The following NCAM2 variants were observed in gnomAD, a reference collection of about 807,000 sequenced individuals.
NCAM2 encodes the protein neural cell adhesion molecule 2.
In NCAM2, 30 loss-of-function variants were observed where a neutral mutation model predicts 98.1. The ratio of observed to expected loss-of-function variants is 0.31; its 90% CI spans 0.23 to 0.41. NCAM2 has a LOEUF of 0.41. Among genes scored for constraint, NCAM2 ranks in the 10% least tolerant of loss-of-function variants. The pLI, the probability that NCAM2 is intolerant of heterozygous loss-of-function variation, is 1.00. For synonymous variants in NCAM2, 368 were observed against 342.4 expected (o/e 1.07, Z -0.83); for missense variants, 867 against 1,005.8 (o/e 0.86, Z 1.87).
chr21:21,265,180 TATATA>T lies in NCAM2; in HGVS notation c.56-15392_56-15388del, dbSNP rs1321481992. On this transcript the variant is annotated intron_variant, in intron 1 of 17. Transcript: ENST00000400546. ...TATACTTATATATATTATATATGTA[TATATA>T]ATATATGTGTGTATGTATGTGTGTA... Among the ~76,000 whole-genome samples the T allele has an allele frequency of 4.6e-4, 57 of 123,654 alleles. No individual in the cohort carries two copies. The South Asian group carries it at 0.013, about 27-fold the overall frequency. The allele number at this position is 123,654 out of a possible 152,430, so 81.1% of individuals were successfully genotyped here. A position where few individuals can be genotyped will look rare whatever the true frequency, so the allele number is the denominator to read the frequency against.
intron 1 of NCAM2, among the ~76,000 whole-genome samples, chr21:21,125,451 CAT>C (rs1381517170): frequency 3.4e-5 from 2 of 58,250 alleles, no homozygotes; most frequent in African/African-American, 1.1e-4. Flanking sequence ...TAATGTATTA[CAT>C]ATATAGAGAC....
At chr21:21,252,926 G>A (rs2071527153) in intron 1 of NCAM2, among the ~76,000 whole-genome samples, 1 of 151,942 alleles carries the variant, frequency 6.6e-6, no homozygotes, top group South Asian at 2.1e-4. Context: ...GTGAACATCC[G>A]AAGCATTATC....
intron 1 of NCAM2, among the ~76,000 whole-genome samples, chr21:21,032,956 T>C (rs77983838): frequency 0.65 from 90,882 of 139,754 alleles, 27,876 homozygotes; most frequent in East Asian, 0.77. Flanking sequence ...TTTTTTTTTT[T>C]TTTTTGAGAC....
chr21:21,297,036 A>G (rs551068478), intron 5 of NCAM2, among the ~76,000 whole-genome samples: 1 of 151,880 alleles, frequency 6.6e-6, no homozygotes, highest in Admixed American at 6.6e-5. Flanking sequence ...GCTAAAAAAA[A>G]GTTAAAGACC....
intron 1 of NCAM2, among the ~76,000 whole-genome samples, chr21:21,204,067 A>G (rs2069343982): frequency 6.6e-6 from 1 of 152,136 alleles, no homozygotes; most frequent in African/African-American, 2.4e-5. Context: ...AGTATCAACA[A>G]GTGTCTTCTA....
At chr21:21,494,896 G>A (rs1455825787) in intron 15 of NCAM2, among the ~76,000 whole-genome samples, 2 of 38,166 alleles carry the variant, frequency 5.2e-5, no homozygotes, top group Admixed American at 4.4e-4. Context: ...GTATGAATTT[G>A]TTTTTAGCCA....
chr21:21,249,604 C>A (rs1447144056), intron 1 of NCAM2, among the ~76,000 whole-genome samples: 1 of 152,120 alleles, frequency 6.6e-6, no homozygotes, highest in Non-Finnish European at 1.5e-5. Flanking sequence ...AAGATAATGA[C>A]CTGCCTTACA....
intron 1 of NCAM2, among the ~76,000 whole-genome samples, chr21:21,261,147 A>G (rs2071883900): frequency 6.6e-6 from 1 of 152,198 alleles, no homozygotes; most frequent in Non-Finnish European, 1.5e-5. Flanking sequence ...TTCAACAAGA[A>G]GATTTAACTG....
chr21:21,191,969 C>T (rs192238672), intron 1 of NCAM2, among the ~76,000 whole-genome samples: 1 of 152,180 alleles, frequency 6.6e-6, no homozygotes, highest in East Asian at 1.9e-4. Flanking sequence ...TCCCTGTAAT[C>T]CCAGCACTTT....
rs1398542994 is a variant in NCAM2 at position 21,324,245 on chromosome 21, A to C, written c.620-138A>C. 1.7e-5 allele frequency: 10 copies of C among 592,494 alleles called. No homozygotes were observed. The Admixed American group carries it at 2.8e-4, about 17-fold the overall frequency. The allele number at this position is 592,494 out of a possible 1,614,324, so 36.7% of individuals were successfully genotyped here. A position where few individuals can be genotyped will look rare whatever the true frequency, so the allele number is the denominator to read the frequency against. ...TCAGTGATAAAGTTATTTTACTGTGAAACCAAATCAGTTTCATTAATATAA... is the reference window on the plus strand; with the variant it reads ...TCAGTGATAAAGTTATTTTACTGTGCAACCAAATCAGTTTCATTAATATAA... On this transcript the variant is annotated intron_variant, in intron 5 of 17. Coordinates refer to ENST00000400546, the MANE Select transcript of NCAM2 (RefSeq NM_004540.5).
intron 12 of NCAM2, among the ~76,000 whole-genome samples, chr21:21,449,571 A>G (rs192148411): frequency 6.0e-4 from 92 of 152,122 alleles, no homozygotes; most frequent in Non-Finnish European, 1.1e-3. Flanking sequence ...TAAATATAAT[A>G]ACTATAAAAT....
intron 1 of NCAM2, among the ~76,000 whole-genome samples, chr21:21,177,241 A>G (rs1412938070): frequency 6.6e-6 from 1 of 152,104 alleles, no homozygotes; most frequent in African/African-American, 2.4e-5. Flanking sequence ...TATATCCTAC[A>G]AATAAATCAG....
At chr21:21,064,604 G>A (rs2065394501) in intron 1 of NCAM2, among the ~76,000 whole-genome samples, 1 of 152,120 alleles carries the variant, frequency 6.6e-6, no homozygotes, top group African/African-American at 2.4e-5. Context: ...GCCCCTCAGG[G>A]TTCATCACTC....
intron 1 of NCAM2, among the ~76,000 whole-genome samples, chr21:21,056,680 A>G (rs548682109): frequency 7.2e-5 from 11 of 152,220 alleles, no homozygotes; most frequent in African/African-American, 2.6e-4. Flanking sequence ...TCTGAAAGAC[A>G]GGAAGAGTCG....
chr21:21,473,190 C>T (rs1307763006), intron 14 of NCAM2, among the ~76,000 whole-genome samples: 1 of 151,208 alleles, frequency 6.6e-6, no homozygotes, highest in Non-Finnish European at 1.5e-5. Context: ...CTGAAGGACT[C>T]ACTGGTCTCT....
chr21:21,261,523 T>C (rs534936448), intron 1 of NCAM2, among the ~76,000 whole-genome samples: 98 of 152,210 alleles, frequency 6.4e-4, no homozygotes, highest in Non-Finnish European at 1.2e-3. Flanking sequence ...GGAATAAAAT[T>C]TGAATGCAAT....
intron 5 of NCAM2, among the ~76,000 whole-genome samples, chr21:21,307,647 G>A (rs2073927124): frequency 6.6e-6 from 1 of 152,072 alleles, no homozygotes; most frequent in Admixed American, 6.6e-5. Flanking sequence ...GTTGGACTGA[G>A]GTCCTGTTGG....
chr21:21,149,165 C>T (rs1179692739), intron 1 of NCAM2, among the ~76,000 whole-genome samples: 1 of 151,996 alleles, frequency 6.6e-6, no homozygotes, highest in East Asian at 1.9e-4. Context: ...TGTCTTTGTT[C>T]TTTATTGGAA....
chr21:21,025,324 G>A (rs1333747096), intron 1 of NCAM2, among the ~76,000 whole-genome samples: 3 of 152,106 alleles, frequency 2.0e-5, no homozygotes, highest in South Asian at 4.2e-4. Context: ...TGACCTCGTG[G>A]CCTGCCCACC....
Sources: allele counts gnomAD v4.1 joint callset (sites outside exome capture counted in the v4.1 genomes callset), GRCh38; gene constraint gnomAD v4.1.1; transcripts MANE v1.5; gene names NCBI Gene and HGNC (gene_info 2026-07-23, HGNC 2026-07-21).